Variants in RNF13 observed in about 807,000 individuals in gnomAD.
The protein encoded by RNF13 is E3 ubiquitin-protein ligase RNF13.
RNF13 carries 19 observed loss-of-function variants against 37.7 expected under a neutral mutation model. That is an observed-to-expected ratio of 0.50 (90% CI 0.35 to 0.74). RNF13 has a LOEUF of 0.74. Ranked by LOEUF, RNF13 falls within the 30% of genes least tolerant of loss-of-function variation. The probability of loss-of-function intolerance (pLI) is 0.01; values close to 1 mark genes in which losing one functional copy is unlikely to be tolerated. For missense variants in RNF13, 375 were observed against 453.0 expected, an observed-to-expected ratio of 0.83 and a Z score of 1.56; for synonymous variants, 144 against 157.8, an observed-to-expected ratio of 0.91 and a Z score of 0.65.
intron 3 of RNF13, among the ~76,000 whole-genome samples, chr3:149,864,587 A>T (rs1462010343): frequency 2.0e-5 from 3 of 152,210 alleles, no homozygotes; most frequent in Admixed American, 6.5e-5. Flanking sequence ...GAGTGAACAC[A>T]CATTATCTGT....
intron 8 of RNF13, among the ~76,000 whole-genome samples, chr3:149,936,138 CTTT>C (rs970647635): frequency 2.0e-5 from 3 of 151,164 alleles, no homozygotes; most frequent in Non-Finnish European, 4.4e-5. Flanking sequence ...TGTTATGCTT[CTTT>C]TTTTTCTGCT....
intron 8 of RNF13, among the ~76,000 whole-genome samples, chr3:149,951,001 T>G (rs772383212): frequency 6.6e-6 from 1 of 152,166 alleles, no homozygotes; most frequent in Non-Finnish European, 1.5e-5. Flanking sequence ...AAATAGTTTT[T>G]CTTGGGGAAA....
rs532479790 is a variant in RNF13 at position 149,820,327 on chromosome 3, C to T, written c.-17+6974C>T. ...TCAGCTTCCCAAAGTGCTGGGATTA[C>T]AGGCGTGAGTCACCACTCCCTGCCC... is the stretch of plus-strand genomic sequence containing the variant. On this transcript the variant is annotated intron_variant, in intron 1 of 9. Coordinates refer to ENST00000392894, the MANE Select transcript of RNF13 (RefSeq NM_183381.3). Among the ~76,000 whole-genome samples, 7 of 152,074 alleles carry T rather than the reference C, an allele frequency of 4.6e-5. No individual in the cohort carries two copies. In the South Asian group the frequency reaches 1.5e-3, roughly 32 times the overall value.
In RNF13 at chr3:149,960,975, A is replaced by G. The variant is rs1397194734; in HGVS notation, c.1017A>G (p.Ser339=). 1 of 1,614,240 alleles carries G rather than the reference A, an allele frequency of 6.2e-7. No homozygotes were observed. Among genetic ancestry groups the G allele is most frequent in the Admixed American group, 1.7e-5 (1 of 60,032 alleles). ...SRSHQNMTES[S]DYEEDDNEDT... ...CACATCAGAACATGACAGAATCTTC[A>G]GACTATGAGGAAGACGACAATGAAG... is the stretch of plus-strand genomic sequence containing the variant. The change falls in exon 10 of 10, where the codon TCA becomes TCG. Residue 339 remains serine (S), a synonymous_variant. Transcript: ENST00000392894.
intron 8 of RNF13, among the ~76,000 whole-genome samples, chr3:149,945,197 G>GT (rs1326141139): frequency 3.3e-5 from 5 of 152,196 alleles, no homozygotes; most frequent in Non-Finnish European, 7.3e-5. Context: ...GTACCATGCT[G>GT]TTTTGGTTAC....
chr3:149,921,790 T>C (rs1165560321), intron 8 of RNF13, among the ~76,000 whole-genome samples: 2 of 152,158 alleles, frequency 1.3e-5, no homozygotes, highest in Non-Finnish European at 2.9e-5. Context: ...AGTAGCATGA[T>C]TTATAATCAT....
intron 1 of RNF13, among the ~76,000 whole-genome samples, chr3:149,843,259 A>C (rs1722341351): frequency 6.6e-6 from 1 of 152,202 alleles, no homozygotes; most frequent in South Asian, 2.1e-4. Context: ...ATGATTTTAC[A>C]TAAGGAACTT....
chr3:149,957,768 A>G (rs905111265), intron 8 of RNF13, among the ~76,000 whole-genome samples: 9 of 152,216 alleles, frequency 5.9e-5, no homozygotes, highest in Non-Finnish European at 4.4e-5. Context: ...ACCCTAATAC[A>G]TAATTATGTT....
rs1372325169 is a variant in RNF13 at position 149,936,543 on chromosome 3, TCA to T, written c.700+15319_700+15320del. ...GCATTTTCAGTTCAGCCAATGTATT[TCA>T]CAGTTCCAAGATTTCTATTTTTTTA... On this transcript the variant is annotated intron_variant, in intron 8 of 9. Transcript: ENST00000392894. 6.6e-5 allele frequency among the ~76,000 whole-genome samples: 10 copies of T among 152,204 alleles called. No homozygotes were observed. The South Asian group carries it at 1.9e-3, about 28-fold the overall frequency.
chr3:149,906,645 C>CTTTT (rs35801459), intron 6 of RNF13, among the ~76,000 whole-genome samples: 91 of 79,112 alleles, frequency 1.2e-3, no homozygotes, highest in African/African-American at 1.4e-3. Context: ...TTCAATTCTG[C>CTTTT]TTTTTTTTTT....
chr3:149,842,232 TTTA>T (rs1722251413), intron 1 of RNF13, among the ~76,000 whole-genome samples: 1 of 151,484 alleles, frequency 6.6e-6, no homozygotes, highest in Admixed American at 6.6e-5. Flanking sequence ...GCTCGAGATC[TTTA>T]TTTATTGTTG....
At chr3:149,892,339 A>G (rs1714797901) in intron 4 of RNF13, among the ~76,000 whole-genome samples, 2 of 152,230 alleles carry the variant, frequency 1.3e-5, no homozygotes, top group African/African-American at 4.8e-5. Context: ...ATTTAGTTAA[A>G]CATGGTGGAC....
intron 6 of RNF13, among the ~76,000 whole-genome samples, chr3:149,904,578 T>C (rs771463984): frequency 6.6e-6 from 1 of 152,096 alleles, no homozygotes; most frequent in Non-Finnish European, 1.5e-5. Flanking sequence ...ATGTTATAAA[T>C]TGAAAACACA....
chr3:149,824,947 A>AGT (rs1364222941), intron 1 of RNF13, among the ~76,000 whole-genome samples: 1 of 150,334 alleles, frequency 6.7e-6, no homozygotes, highest in Non-Finnish European at 1.5e-5. Context: ...AGTACCTGTT[A>AGT]GTTATTTTTC....
intron 3 of RNF13, among the ~76,000 whole-genome samples, chr3:149,865,329 GATATAT>G (rs3028509): frequency 7.2e-6 from 1 of 139,124 alleles, no homozygotes; most frequent in African/African-American, 2.6e-5. Flanking sequence ...ATGTTTTGGT[GATATAT>G]ATATATATAT....
At chr3:149,937,166 A>G (rs1435552961) in intron 8 of RNF13, among the ~76,000 whole-genome samples, 2 of 152,036 alleles carry the variant, frequency 1.3e-5, no homozygotes, top group African/African-American at 4.8e-5. Flanking sequence ...TGCTAGCCCT[A>G]CTTCCACGTT....
intron 3 of RNF13, among the ~76,000 whole-genome samples, chr3:149,864,103 C>G (rs547345042): frequency 7.8e-6 from 1 of 127,488 alleles, no homozygotes; most frequent in East Asian, 2.5e-4. Flanking sequence ...ATATTTGATC[C>G]TTATGTTGAA....
intron 8 of RNF13, among the ~76,000 whole-genome samples, chr3:149,958,599 T>A (rs1297682311): frequency 6.6e-6 from 1 of 152,246 alleles, no homozygotes; most frequent in Non-Finnish European, 1.5e-5. Flanking sequence ...CTGTTTTGTT[T>A]TTAGTAGGCG....
chr3:149,951,755 T>C (rs1051803492), intron 8 of RNF13, among the ~76,000 whole-genome samples: 3 of 152,238 alleles, frequency 2.0e-5, no homozygotes, highest in Admixed American at 6.5e-5. Context: ...CTGTGTACTT[T>C]GCATACATGA....
Sources: allele counts gnomAD v4.1 joint callset (sites outside exome capture counted in the v4.1 genomes callset), GRCh38; gene constraint gnomAD v4.1.1; transcripts MANE v1.5; gene names NCBI Gene and HGNC (gene_info 2026-07-23, HGNC 2026-07-21).